Variants in MED12L observed in about 807,000 individuals in gnomAD.
MED12L encodes mediator complex subunit 12L.
Under a neutral mutation model 281.3 loss-of-function variants are expected in MED12L, and 60 were observed. The ratio of observed to expected loss-of-function variants is 0.21; its 90% CI spans 0.17 to 0.26. MED12L has a LOEUF of 0.26. MED12L is among the 10% of genes least tolerant of loss of function. The pLI, the probability that MED12L is intolerant of heterozygous loss-of-function variation, is 1.00. For missense variants in MED12L, 2,146 were observed against 2,680.9 expected (o/e 0.80, Z 4.41); for synonymous variants, 974 against 987.2 (o/e 0.99, Z 0.25).
intron 16 of MED12L, among the ~76,000 whole-genome samples, chr3:151,227,946 C>T (rs762290138): frequency 2.0e-4 from 30 of 152,186 alleles, no homozygotes; most frequent in Non-Finnish European, 3.2e-4. Context: ...CAACCAGCCA[C>T]GTCCCCACAC....
chr3:151,412,615 G>A (rs1717083393), intron 41 of MED12L, among the ~76,000 whole-genome samples: 1 of 152,206 alleles, frequency 6.6e-6, no homozygotes, highest in Non-Finnish European at 1.5e-5. Flanking sequence ...TGGAAAATGT[G>A]CATTGTATGT....
Position 151,192,543 on chromosome 3 carries a change from T to G in MED12L, c.1969-7T>G. On this transcript the variant is annotated splice_region_variant and splice_polypyrimidine_tract_variant and intron_variant, in intron 14 of 44. Transcript: ENST00000687756. ...CAATGTTACTTTCTTTCTCTGGCGATTATCAGGAACAGAGTATTATGGCGC... is the reference window on the plus strand; with the variant it reads ...CAATGTTACTTTCTTTCTCTGGCGAGTATCAGGAACAGAGTATTATGGCGC... 2 of 1,520,326 alleles carry G rather than the reference T, an allele frequency of 1.3e-6. No homozygotes were observed. Among genetic ancestry groups the G allele is most frequent in the Non-Finnish European group, 1.8e-6 (2 of 1,132,632 alleles). 94.2% of individuals were successfully genotyped at this position (1,520,326 alleles called of 1,614,324 possible). A position where few individuals can be genotyped will look rare whatever the true frequency, so the allele number is the denominator to read the frequency against.
intron 16 of MED12L, among the ~76,000 whole-genome samples, chr3:151,298,542 A>C (rs1338077015): frequency 6.6e-6 from 1 of 152,202 alleles, no homozygotes; most frequent in African/African-American, 2.4e-5. Flanking sequence ...AGTAAAACCT[A>C]CTTTGGTATT....
intron 39 of MED12L, among the ~76,000 whole-genome samples, chr3:151,405,721 G>A (rs1220430658): frequency 6.6e-6 from 1 of 152,098 alleles, no homozygotes; most frequent in Non-Finnish European, 1.5e-5. Context: ...AAGTTAAAGT[G>A]GCCTCAGTTG....
intron 2 of MED12L, among the ~76,000 whole-genome samples, chr3:151,097,210 G>A (rs1010501715): frequency 1.3e-5 from 2 of 152,212 alleles, no homozygotes; most frequent in Middle Eastern, 3.4e-3. Context: ...GCACACAAGC[G>A]GTACCAGTTG....
intron 16 of MED12L, among the ~76,000 whole-genome samples, chr3:151,304,840 C>A (rs1190069127): frequency 1.3e-5 from 2 of 152,092 alleles, no homozygotes; most frequent in Non-Finnish European, 2.9e-5. Context: ...CAGGGTGGAG[C>A]TGAAGTCGTT....
intron 14 of MED12L, among the ~76,000 whole-genome samples, chr3:151,191,781 C>T (rs1435816288): frequency 6.6e-6 from 1 of 152,132 alleles, no homozygotes; most frequent in Non-Finnish European, 1.5e-5. Context: ...TGGCACATGC[C>T]TGTAGTCCCA....
At chr3:151,335,303 T>A (rs547988157) in intron 16 of MED12L, among the ~76,000 whole-genome samples, 1 of 152,328 alleles carries the variant, frequency 6.6e-6, no homozygotes, top group South Asian at 2.1e-4. Flanking sequence ...CTAGTAACTG[T>A]CATTCTACTC....
intron 16 of MED12L, among the ~76,000 whole-genome samples, chr3:151,279,124 C>T (rs1425372469): frequency 1.3e-5 from 2 of 152,146 alleles, no homozygotes; most frequent in Non-Finnish European, 2.9e-5. Flanking sequence ...CAGAAGATGG[C>T]TACAAAGTCC....
rs1051894270 is a variant in MED12L, at chr3:151,085,702, G to T, written c.-364G>T. The T allele has an allele frequency of 6.6e-6, 1 of 152,016 alleles. No homozygotes were observed. Among genetic ancestry groups the T allele is most frequent in the Non-Finnish European group, 1.5e-5 (1 of 67,960 alleles). The allele number at this position is 152,016 out of a possible 1,614,324, so 9.4% of individuals were successfully genotyped here. A position where few individuals can be genotyped will look rare whatever the true frequency, so the allele number is the denominator to read the frequency against. ...ACGCCGCGCCGCCGTCCGCCAACTCGGAAGCTCGCGCTCCCGGGCCGTGGG... is the reference window on the plus strand; with the variant it reads ...ACGCCGCGCCGCCGTCCGCCAACTCTGAAGCTCGCGCTCCCGGGCCGTGGG... On this transcript the variant is annotated 5_prime_UTR_variant, in exon 1 of 45. Coordinates refer to ENST00000687756, the MANE Select transcript of MED12L (RefSeq NM_001393769.1).
intron 11 of MED12L, among the ~76,000 whole-genome samples, chr3:151,175,848 A>G (rs1213677235): frequency 6.6e-6 from 1 of 152,228 alleles, no homozygotes; most frequent in Non-Finnish European, 1.5e-5. Context: ...AACATCATTA[A>G]TTATGATTAT....
chr3:151,219,664 A>C (rs1461487355), intron 16 of MED12L: 1 of 152,216 alleles, frequency 6.6e-6, no homozygotes, highest in African/African-American at 2.4e-5. Flanking sequence ...AAAACAAAAA[A>C]CCAAAGATTT....
At chr3:151,166,619 G>A (rs912202972) in intron 11 of MED12L, among the ~76,000 whole-genome samples, 10 of 151,922 alleles carry the variant, frequency 6.6e-5, no homozygotes, top group South Asian at 4.2e-4. Flanking sequence ...CTGATGTGGC[G>A]GTCTTGAGTC....
chr3:151,108,613 G>A (rs533836448), intron 2 of MED12L, among the ~76,000 whole-genome samples: 2 of 152,088 alleles, frequency 1.3e-5, no homozygotes, highest in African/African-American at 2.4e-5. Flanking sequence ...CTTGACTAGC[G>A]CATAGAGGGA....
At position 151,435,321 on chromosome 3, in the gene MED12L, T is replaced by TAATA. The variant is rs1401893063; in HGVS notation, c.*2518_*2521dup. On this transcript the variant is annotated 3_prime_UTR_variant, in exon 45 of 45. Coordinates refer to ENST00000687756, the MANE Select transcript of MED12L (RefSeq NM_001393769.1). ...CTTGTTTACACTGTAGGCTTTTTCT[T>TAATA]AATAGGGTTGCATTTGTCAGTCATT... 4 of 150,004 alleles carry TAATA rather than the reference T, an allele frequency of 2.7e-5. No homozygotes were observed. The highest frequency in any genetic ancestry group is 2.1e-4 in the East Asian group (1 of 4,726). The allele number at this position is 150,004 out of a possible 1,614,324, so 9.3% of individuals were successfully genotyped here. A position where few individuals can be genotyped will look rare whatever the true frequency, so the allele number is the denominator to read the frequency against.
At chr3:151,087,601 C>G (rs1019429703) in intron 2 of MED12L, among the ~76,000 whole-genome samples, 1 of 152,148 alleles carries the variant, frequency 6.6e-6, no homozygotes. Context: ...CACTGATTTT[C>G]GTCTCTAGAG....
chr3:151,236,922 C>G (rs1179207899), intron 16 of MED12L, among the ~76,000 whole-genome samples: 1 of 151,784 alleles, frequency 6.6e-6, no homozygotes, highest in African/African-American at 2.4e-5. Flanking sequence ...TGAGTCATGC[C>G]GAGATGCATA....
intron 39 of MED12L, among the ~76,000 whole-genome samples, chr3:151,400,119 G>A (rs1030542963): frequency 7.2e-5 from 11 of 152,108 alleles, no homozygotes; most frequent in East Asian, 2.0e-4. Context: ...GAGCCACCGC[G>A]CCAGGCCTTA....
At chr3:151,301,477 G>A (rs994573387) in intron 16 of MED12L, among the ~76,000 whole-genome samples, 3 of 152,098 alleles carry the variant, frequency 2.0e-5, no homozygotes, top group Non-Finnish European at 4.4e-5. Context: ...CAATAAGCAG[G>A]ACATAGAGAG....
Sources: allele counts gnomAD v4.1 joint callset (sites outside exome capture counted in the v4.1 genomes callset), GRCh38; gene constraint gnomAD v4.1.1; transcripts MANE v1.5; gene names NCBI Gene and HGNC (gene_info 2026-07-23, HGNC 2026-07-21).